PDZK1: variants seen among roughly 807,000 people sequenced by gnomAD.
PDZK1 encodes the protein Na(+)/H(+) exchange regulatory cofactor NHE-RF3.
Under a neutral mutation model 38.1 loss-of-function variants are expected in PDZK1, and 23 were observed. The ratio of observed to expected loss-of-function variants is 0.60; its 90% CI spans 0.43 to 0.85. The LOEUF is 0.85. PDZK1 is among the 40% of genes least tolerant of loss of function. PDZK1 has a pLI of 0.00. For missense variants in PDZK1, 297 were observed against 504.3 expected (o/e 0.59, Z 3.94); for synonymous variants, 98 against 186.2 (o/e 0.53, Z 3.86).
chr1:145,674,064 T>C (rs1559059158), intron 6 of PDZK1, 183 bp from the exon 7 acceptor site: 1 of 720,432 alleles, frequency 1.4e-6, no homozygotes, highest in African/African-American at 1.9e-5. Context: ...AAGACTGTGC[T>C]TCGTTATGGA....
Position 145,672,714 on chromosome 1 carries a change from A to G in PDZK1, c.1506+16T>C, listed in dbSNP as rs1457741568. 2 of 1,611,718 alleles carry G rather than the reference A, an allele frequency of 1.2e-6. No individual in the cohort carries two copies. The highest frequency in any genetic ancestry group is 2.2e-5 in the East Asian group (1 of 44,898). ...CTAGTAAATTAGATCACGAAAAGAA[A>G]TAGGCCCCCACTCACCCGTTCTTTT... On this transcript the variant is annotated intron_variant, in intron 8 of 8. Coordinates refer to ENST00000417171, the MANE Select transcript of PDZK1 (RefSeq NM_001201325.2).
At chr1:145,697,135 C>T (rs1055581798) in intron 1 of PDZK1, among the ~76,000 whole-genome samples, 1 of 152,138 alleles carries the variant, frequency 6.6e-6, no homozygotes, top group Admixed American at 6.5e-5. Context: ...CAAGACCAGC[C>T]TGGCCAACTG....
At chr1:145,684,122 C>G (rs1654525091) in intron 3 of PDZK1, among the ~76,000 whole-genome samples, 1 of 151,240 alleles carries the variant, frequency 6.6e-6, no homozygotes, top group African/African-American at 2.4e-5. Context: ...GCTAGGATTA[C>G]AGATATGAGC....
intron 3 of PDZK1, among the ~76,000 whole-genome samples, chr1:145,686,244 GC>G: frequency 6.6e-6 from 1 of 152,214 alleles, no homozygotes; most frequent in South Asian, 2.1e-4. Context: ...AGTACCCAGT[GC>G]CCCCCACCCC....
At chr1:145,681,539 C>T (rs1289964766) in intron 4 of PDZK1, among the ~76,000 whole-genome samples, 5 of 148,240 alleles carry the variant, frequency 3.4e-5, no homozygotes, top group African/African-American at 5.2e-5. Flanking sequence ...CCACCCGCCT[C>T]GGCCTCCCAA....
Position 145,690,408 on chromosome 1 carries a change from T to C in PDZK1, c.-2-2385A>G, listed in dbSNP as rs377532276. Among the ~76,000 whole-genome samples the C allele has an allele frequency of 7.2e-5, 11 of 152,278 alleles. No individual in the cohort carries two copies. The East Asian group carries it at 1.2e-3, about 16-fold the overall frequency. On this transcript the variant is annotated intron_variant, in intron 1 of 8. Transcript: ENST00000417171. ...GTACTTTACTGGGAGGATCAGACAG[T>C]AATTACATAAATGAATAGGATCATT...
At position 145,687,995 on chromosome 1, in the gene PDZK1, T is replaced by C; in HGVS notation, c.27A>G (p.Glu9=). Residue 9 remains glutamate, a synonymous_variant, in exon 2 of 9, where the codon GAA becomes GAG. Coordinates refer to ENST00000417171, the MANE Select transcript of PDZK1 (RefSeq NM_001201325.2). MTSTFNPR[E]CKLSKQEGQN... is the part of the protein sequence containing the mutation. The stretch of plus-strand genomic sequence containing the variant: ...GCCCTTCTTGCTTGGACAGTTTACA[T>C]TCTCGGGGGTTGAAGGTGGAGGTCA... The C allele has an allele frequency of 6.2e-7, 1 of 1,613,108 alleles. No homozygotes were observed. The highest frequency in any genetic ancestry group is 1.1e-5 in the South Asian group (1 of 91,008).
At chr1:145,674,637 A>C (rs1553698954) in intron 6 of PDZK1, among the ~76,000 whole-genome samples, 1 of 152,062 alleles carries the variant, frequency 6.6e-6, no homozygotes, top group Non-Finnish European at 1.5e-5. Context: ...GGCCAAATGC[A>C]CAGAAGCAAA....
intron 1 of PDZK1, among the ~76,000 whole-genome samples, chr1:145,702,637 T>C (rs1286581641): frequency 1.3e-5 from 2 of 152,184 alleles, no homozygotes; most frequent in Non-Finnish European, 2.9e-5. Flanking sequence ...CTCACGCCTG[T>C]AATCCCAGCA....
At chr1:145,683,934 C>G (rs1654503378) in intron 3 of PDZK1, among the ~76,000 whole-genome samples, 1 of 151,750 alleles carries the variant, frequency 6.6e-6, no homozygotes, top group Non-Finnish European at 1.5e-5. Context: ...GCAACCTCTG[C>G]CTCCCCGGTT....
rs1652989102 is a variant in PDZK1, at chr1:145,671,184, G to GAA, written c.*250_*251dup. ...TGTAGTTAAGTTAAGTTGAAGCTTGGAAAAGATCACATGAAAAAAATCTAG... is the reference window on the plus strand; with the variant it reads ...TGTAGTTAAGTTAAGTTGAAGCTTGGAAAAAAGATCACATGAAAAAAATCTAG... On this transcript the variant is annotated 3_prime_UTR_variant, in exon 9 of 9. Coordinates refer to ENST00000417171, the MANE Select transcript of PDZK1 (RefSeq NM_001201325.2). The GAA allele has an allele frequency of 9.1e-7, 1 of 1,100,098 alleles. No homozygotes were observed. The highest frequency in any genetic ancestry group is 1.2e-6 in the Non-Finnish European group (1 of 841,538). The allele number at this position is 1,100,098 out of a possible 1,614,324, so 68.1% of individuals were successfully genotyped here.
intron 5 of PDZK1, among the ~76,000 whole-genome samples, chr1:145,679,686 C>G (rs1362890993): frequency 6.6e-6 from 1 of 152,104 alleles, no homozygotes; most frequent in African/African-American, 2.4e-5. Flanking sequence ...TCTCCAAGCC[C>G]TCAATTTCAG....
intron 5 of PDZK1, among the ~76,000 whole-genome samples, chr1:145,680,096 G>A (rs1358430912): frequency 3.3e-5 from 5 of 152,020 alleles, no homozygotes; most frequent in Non-Finnish European, 4.4e-5. Context: ...TTACTCTAAC[G>A]TTGAATTATC....
At chr1:145,688,662 G>A (rs1430582655) in intron 1 of PDZK1, among the ~76,000 whole-genome samples, 1 of 152,028 alleles carries the variant, frequency 6.6e-6, no homozygotes, top group African/African-American at 2.4e-5. Context: ...ACAAGGAAGA[G>A]CTTAAACCAT....
At chr1:145,687,666 C>T (rs1553702125) in intron 2 of PDZK1, 146 bp downstream of exon 2, 2 of 682,426 alleles carry the variant, frequency 2.9e-6, no homozygotes, top group African/African-American at 3.5e-5. Flanking sequence ...GATTGGCCAA[C>T]ACAAGGTACA....
intron 1 of PDZK1, among the ~76,000 whole-genome samples, chr1:145,703,344 G>A (rs1319907151): frequency 6.6e-6 from 1 of 152,112 alleles, no homozygotes; most frequent in Non-Finnish European, 1.5e-5. Context: ...CGTTGTGGGT[G>A]CTGGAATATT....
intron 1 of PDZK1, 74 bp from the exon 2 acceptor site, chr1:145,688,097 C>A (rs1654953410): frequency 7.9e-7 from 1 of 1,260,922 alleles, no homozygotes; most frequent in Non-Finnish European, 1.2e-6. Context: ...CATCCTCCAT[C>A]TCCTATAATT....
At chr1:145,688,895 A>G (rs1553702542) in intron 1 of PDZK1, among the ~76,000 whole-genome samples, 1 of 151,848 alleles carries the variant, frequency 6.6e-6, no homozygotes, top group Non-Finnish European at 1.5e-5. Flanking sequence ...GGAGGTGGAG[A>G]TTGCAGTGAG....
At chr1:145,700,437 GAACA>G (rs1465344379) in intron 1 of PDZK1, among the ~76,000 whole-genome samples, 1 of 152,138 alleles carries the variant, frequency 6.6e-6, no homozygotes, top group African/African-American at 2.4e-5. Flanking sequence ...GGGACCCAAG[GAACA>G]GACAGCAGTG....
Sources: allele counts gnomAD v4.1 joint callset (sites outside exome capture counted in the v4.1 genomes callset), GRCh38; gene constraint gnomAD v4.1.1; transcripts MANE v1.5; gene names NCBI Gene and HGNC (gene_info 2026-07-23, HGNC 2026-07-21).